The following OLFM3 variants were observed in gnomAD, a reference collection of about 807,000 sequenced individuals.
OLFM3 encodes noelin-3.
A neutral mutation model predicts 48.6 loss-of-function variants in OLFM3; 20 were observed. The ratio of observed to expected loss-of-function variants is 0.41; its 90% CI spans 0.29 to 0.60. OLFM3 has a LOEUF of 0.60. Ranked by LOEUF, OLFM3 falls within the 20% of genes least tolerant of loss-of-function variation. The pLI is 0.28. For missense variants in OLFM3, 437 were observed against 544.3 expected, an observed-to-expected ratio of 0.80 and a Z score of 1.96; for synonymous variants, 222 against 198.1, an observed-to-expected ratio of 1.12 and a Z score of -1.01.
intron 2 of OLFM3, among the ~76,000 whole-genome samples, chr1:101,832,755 C>T (rs1332927887): frequency 6.6e-6 from 1 of 152,164 alleles, no homozygotes; most frequent in Non-Finnish European, 1.5e-5. Context: ...GGAGAGTCTT[C>T]CTACTCCTGT....
chr1:101,812,388 C>T (rs1198441338), intron 4 of OLFM3: 1 of 980,698 alleles, frequency 1.0e-6, no homozygotes. Context: ...ACCAGCGAAA[C>T]TGCCTCCTAT....
At chr1:101,982,750 G>T (rs1278843862) in intron 1 of OLFM3, among the ~76,000 whole-genome samples, 1 of 152,090 alleles carries the variant, frequency 6.6e-6, no homozygotes, top group Non-Finnish European at 1.5e-5. Flanking sequence ...TGGAACATTG[G>T]CTCTTCCTGG....
At chr1:101,864,360 C>A (rs1557707299) in intron 1 of OLFM3, among the ~76,000 whole-genome samples, 1 of 152,174 alleles carries the variant, frequency 6.6e-6, no homozygotes, top group African/African-American at 2.4e-5. Flanking sequence ...GCCTGTGTTA[C>A]TCCCTAATTG....
At chr1:101,916,802 C>A (rs1017592389) in intron 1 of OLFM3, among the ~76,000 whole-genome samples, 1 of 152,026 alleles carries the variant, frequency 6.6e-6, no homozygotes, top group African/African-American at 2.4e-5. Flanking sequence ...TATTATTATA[C>A]CCCTACTGTG....
chr1:101,949,987 C>A (rs1198517768), intron 1 of OLFM3, among the ~76,000 whole-genome samples: 2 of 142,644 alleles, frequency 1.4e-5, no homozygotes, highest in African/African-American at 5.2e-5. Flanking sequence ...GAGATCGTGC[C>A]ACTGCACTCC....
intron 3 of OLFM3, among the ~76,000 whole-genome samples, chr1:101,826,063 G>T (rs1053708060): frequency 6.6e-6 from 1 of 151,800 alleles, no homozygotes; most frequent in Non-Finnish European, 1.5e-5. Flanking sequence ...ACCAAGGTGT[G>T]TAGTTTATGT....
At chr1:101,847,027 C>G in intron 1 of OLFM3, 2 of 1,556,954 alleles carry the variant, frequency 1.3e-6, no homozygotes, top group South Asian at 2.4e-5. Flanking sequence ...CGGTGCCGGG[C>G]TGGCAGCGGG....
At chr1:101,948,263 G>A (rs891723825) in intron 1 of OLFM3, among the ~76,000 whole-genome samples, 8 of 152,040 alleles carry the variant, frequency 5.3e-5, no homozygotes, top group African/African-American at 1.9e-4. Flanking sequence ...AATCCTGTCA[G>A]CCTTTTTTTT....
chr1:101,972,684 A>G (rs911245093), intron 1 of OLFM3, among the ~76,000 whole-genome samples: 2 of 152,244 alleles, frequency 1.3e-5, no homozygotes, highest in African/African-American at 4.8e-5. Flanking sequence ...AAGTCTTGAT[A>G]TAAAAGATTC....
At chr1:101,984,928 A>T (rs936911776) in intron 1 of OLFM3, among the ~76,000 whole-genome samples, 4 of 152,220 alleles carry the variant, frequency 2.6e-5, no homozygotes, top group Non-Finnish European at 5.9e-5. Context: ...CACAAACCTA[A>T]TGGTTTAGAA....
chr1:101,924,158 A>C (rs1209346050), intron 1 of OLFM3, among the ~76,000 whole-genome samples: 6 of 152,182 alleles, frequency 3.9e-5, no homozygotes, highest in Admixed American at 2.6e-4. Context: ...GCTTCGTTAA[A>C]TTTAAACATC....
intron 1 of OLFM3, among the ~76,000 whole-genome samples, chr1:101,987,154 A>G (rs1483320039): frequency 6.6e-6 from 1 of 152,224 alleles, no homozygotes; most frequent in Non-Finnish European, 1.5e-5. Flanking sequence ...TTTGGCATCA[A>G]TGAGGGTTGC....
At chr1:101,839,731 C>T (rs528620014) in intron 1 of OLFM3, among the ~76,000 whole-genome samples, 3 of 152,102 alleles carry the variant, frequency 2.0e-5, no homozygotes, top group African/African-American at 7.2e-5. Flanking sequence ...CTCTCTGGAA[C>T]CAGGGAAGTG....
chr1:101,858,826 A>C (rs1255007737), intron 1 of OLFM3, among the ~76,000 whole-genome samples: 2 of 152,098 alleles, frequency 1.3e-5, no homozygotes, highest in Non-Finnish European at 2.9e-5. Flanking sequence ...CTGTGAGTCA[A>C]TTAAACCTCT....
chr1:101,971,802 A>G (rs903999836), intron 1 of OLFM3, among the ~76,000 whole-genome samples: 1 of 152,104 alleles, frequency 6.6e-6, no homozygotes, highest in Non-Finnish European at 1.5e-5. Flanking sequence ...GAGTATGGGG[A>G]CTATTCCTAT....
chr1:101,841,218 T>A (rs933927161), intron 1 of OLFM3, among the ~76,000 whole-genome samples: 16 of 152,186 alleles, frequency 1.1e-4, no homozygotes, highest in African/African-American at 3.9e-4. Flanking sequence ...TTCAATAGAT[T>A]TTTTGCTTAT....
At chr1:101,926,869 G>T (rs138646180) in intron 1 of OLFM3, among the ~76,000 whole-genome samples, 2 of 152,182 alleles carry the variant, frequency 1.3e-5, no homozygotes, top group East Asian at 1.9e-4. Context: ...ATTTTTAAAA[G>T]GCTTACTATT....
At chr1:101,892,614 C>T (rs543302182) in intron 1 of OLFM3, among the ~76,000 whole-genome samples, 1 of 152,088 alleles carries the variant, frequency 6.6e-6, no homozygotes, top group East Asian at 1.9e-4. Context: ...TTTTCTTTGT[C>T]CTTTTCATTT....
intron 1 of OLFM3, among the ~76,000 whole-genome samples, chr1:101,973,404 A>G (rs1660864592): frequency 6.6e-6 from 1 of 152,194 alleles, no homozygotes; most frequent in Non-Finnish European, 1.5e-5. Flanking sequence ...GCCTCAAGGG[A>G]TTGGACGAGG....
Sources: allele counts gnomAD v4.1 joint callset (sites outside exome capture counted in the v4.1 genomes callset), GRCh38; gene constraint gnomAD v4.1.1; transcripts MANE v1.5; gene names NCBI Gene and HGNC (gene_info 2026-07-23, HGNC 2026-07-21).